The following ADGRG2 variants were observed in gnomAD, a reference collection of about 807,000 sequenced individuals.
The protein encoded by ADGRG2 is adhesion G protein-coupled receptor G2.
ADGRG2 carries 26 observed loss-of-function variants against 74.1 expected under a neutral mutation model. That is an observed-to-expected ratio of 0.35 (90% CI 0.26 to 0.49). The LOEUF is 0.49. ADGRG2 is among the 20% of genes least tolerant of loss of function. ADGRG2 has a pLI of 0.99. For missense variants in ADGRG2, 619 were observed against 763.1 expected (o/e 0.81, Z 2.22); for synonymous variants, 296 against 295.2 (o/e 1.00, Z -0.03).
intron 1 of ADGRG2, among the ~76,000 whole-genome samples, chrX:19,098,064 A>T (rs868800554): frequency 5.5e-4 from 62 of 113,213 alleles, no homozygotes; most frequent in Middle Eastern, 9.3e-3. Flanking sequence ...ATTTCTATTA[A>T]GATGCTCATT....
At chrX:18,997,253 G>GAC (rs1556035670) in intron 26 of ADGRG2, among the ~76,000 whole-genome samples, 2 of 111,382 alleles carry the variant, frequency 1.8e-5, no homozygotes, top group African/African-American at 6.5e-5. Context: ...AAAATCAGAA[G>GAC]ATATATATAT....
At chrX:18,998,267 C>T (rs997215041) in intron 26 of ADGRG2, among the ~76,000 whole-genome samples, 5 of 111,576 alleles carry the variant, frequency 4.5e-5, no homozygotes, top group Non-Finnish European at 7.5e-5. Flanking sequence ...GGTGAGCTCC[C>T]ACAGGCACAG....
At chrX:19,020,192 T>C (rs780445287) in intron 14 of ADGRG2, among the ~76,000 whole-genome samples, 21 of 111,986 alleles carry the variant, frequency 1.9e-4, no homozygotes, top group Admixed American at 7.6e-4. Context: ...ATGTATTGTA[T>C]GCTTGAAAAG....
intron 14 of ADGRG2, among the ~76,000 whole-genome samples, chrX:19,020,109 G>A (rs1048390141): frequency 1.5e-4 from 17 of 111,491 alleles, no homozygotes; most frequent in East Asian, 5.6e-4. Flanking sequence ...TTGGACAAAG[G>A]ACACAAAATT....
At chrX:19,106,679 G>A (rs1468558196) in intron 1 of ADGRG2, among the ~76,000 whole-genome samples, 1 of 111,352 alleles carries the variant, frequency 9.0e-6, no homozygotes, top group Non-Finnish European at 1.9e-5. Flanking sequence ...AGCACTTTGG[G>A]AGGCCGAGGT....
intron 15 of ADGRG2, among the ~76,000 whole-genome samples, chrX:19,019,379 A>G (rs943617350): frequency 1.1e-4 from 12 of 111,352 alleles, no homozygotes; most frequent in Non-Finnish European, 2.1e-4. Flanking sequence ...CTTGGGAGTC[A>G]GTGTTTTTAA....
chrX:19,053,643 CATAG>C (rs1343609152), intron 3 of ADGRG2, among the ~76,000 whole-genome samples: 3 of 112,263 alleles, frequency 2.7e-5, no homozygotes, highest in Non-Finnish European at 5.6e-5. Flanking sequence ...GGACATACTT[CATAG>C]GTACTACTGT....
intron 8 of ADGRG2, chrX:19,031,341 A>C (rs1569394592): frequency 4.2e-6 from 1 of 236,317 alleles, no homozygotes; most frequent in East Asian, 8.2e-5. Flanking sequence ...TAAACAGAGC[A>C]CCATGAACAC....
chrX:19,006,327 A>C, intron 20 of ADGRG2, 62 bp from the exon 21 acceptor site: 16 of 758,840 alleles, frequency 2.1e-5, no homozygotes, highest in Non-Finnish European at 3.2e-5. Flanking sequence ...AAAAAGCAAA[A>C]CTGAAAGGTA....
At chrX:19,121,783 C>T (rs1273483550) in intron 1 of ADGRG2, among the ~76,000 whole-genome samples, 1 of 111,423 alleles carries the variant, frequency 9.0e-6, no homozygotes, top group Admixed American at 9.4e-5. Flanking sequence ...GTCTGGCTCT[C>T]GGGAGGTCAG....
chrX:19,028,313 G>A, intron 9 of ADGRG2, 75 bp from the exon 10 acceptor site: 1 of 466,463 alleles, frequency 2.1e-6, no homozygotes, highest in African/African-American at 2.5e-5. Flanking sequence ...CATACAAAAA[G>A]ATTATCAAAT....
chrX:19,107,040 A>C (rs1343465065), intron 1 of ADGRG2, among the ~76,000 whole-genome samples: 1 of 111,438 alleles, frequency 9.0e-6, no homozygotes, highest in East Asian at 2.8e-4. Flanking sequence ...GCTGTTTATC[A>C]TCCATCAGTG....
intron 1 of ADGRG2, among the ~76,000 whole-genome samples, chrX:19,094,583 G>A (rs1183573111): frequency 8.9e-6 from 1 of 112,253 alleles, no homozygotes; most frequent in Admixed American, 9.4e-5. Flanking sequence ...CTCAGAAACT[G>A]GAAGTCAGTG....
At chrX:19,049,438 G>GTTTTTTTTTT (rs752686975) in intron 3 of ADGRG2, among the ~76,000 whole-genome samples, 45 of 82,089 alleles carry the variant, frequency 5.5e-4, no homozygotes, top group African/African-American at 1.6e-3. Flanking sequence ...CGTTTTTTGT[G>GTTTTTTTTTT]TTTTTTTTTT....
Position 19,068,719 on chromosome X carries a change from T to A in ADGRG2, c.116A>T (p.Glu39Val). 1 of 937,568 alleles carries A rather than the reference T, an allele frequency of 1.1e-6. No homozygotes were observed. Among genetic ancestry groups the A allele is most frequent in the Non-Finnish European group, 1.5e-6 (1 of 664,885 alleles). 77.3% of individuals were successfully genotyped at this position (937,568 alleles called of 1,213,427 possible). A position where few individuals can be genotyped will look rare whatever the true frequency, so the allele number is the denominator to read the frequency against. ...ATGAAGAAAAACAGACACATTACCTTCCAGGGATGTTACCAGAACGACATG... is the reference window on the plus strand; with the variant it reads ...ATGAAGAAAAACAGACACATTACCTACCAGGGATGTTACCAGAACGACATG... The part of the protein sequence containing the change: ...CLHVVLVTSL[E>V]EDTDNSSLSP... Residue 39 changes from glutamate (E) to valine (V), a missense_variant and splice_region_variant, in exon 3 of 29, where the codon GAA (glutamate) becomes GTA (valine). Glu to Val is a moderately radical substitution (Grantham distance 121). Transcript: ENST00000379869.
intron 11 of ADGRG2, 92 bp downstream of exon 11, chrX:19,027,127 C>T: frequency 1.5e-6 from 1 of 664,507 alleles, no homozygotes; most frequent in East Asian, 3.2e-5. Flanking sequence ...TGGTCTCTTT[C>T]CCATTCTCAG....
chrX:19,078,379 C>A lies in ADGRG2; in HGVS notation c.-2+4323G>T, dbSNP rs900189638. Among the ~76,000 whole-genome samples the A allele has an allele frequency of 4.5e-5, 5 of 110,161 alleles. No homozygotes were observed. The East Asian group carries it at 1.4e-3, about 31-fold the overall frequency. On this transcript the variant is annotated intron_variant, in intron 2 of 28. Transcript: ENST00000379869. The stretch of plus-strand genomic sequence containing the variant: ...AGCCTGGGCAACAAAGTGGGACCCC[C>A]CCTCCATCTCTACAAAAAAATAAAA...
chrX:19,017,008 C>T lies in ADGRG2; in HGVS notation c.710+2591G>A, dbSNP rs374853300. 1.8e-4 allele frequency among the ~76,000 whole-genome samples: 20 copies of T among 111,365 alleles called. No individual in the cohort carries two copies. In the East Asian group the frequency reaches 2.3e-3, roughly 13 times the overall value. On this transcript the variant is annotated intron_variant, in intron 15 of 28. Transcript: ENST00000379869. ...CCTCCCAAAGTGCTGAGATTACAGG[C>T]GTGAGCCACCATGCCCAGCTGCATC... is the stretch of plus-strand genomic sequence containing the variant.
chrX:19,060,982 T>C (rs899480383), intron 3 of ADGRG2, among the ~76,000 whole-genome samples: 4 of 111,870 alleles, frequency 3.6e-5, no homozygotes, highest in African/African-American at 9.8e-5. Context: ...TCCCTGGTAT[T>C]CCAGGACAAT....
Sources: allele counts gnomAD v4.1 joint callset (sites outside exome capture counted in the v4.1 genomes callset), GRCh38; gene constraint gnomAD v4.1.1; transcripts MANE v1.5; gene names NCBI Gene and HGNC (gene_info 2026-07-23, HGNC 2026-07-21).